Variants in TJP1 observed in about 807,000 individuals in gnomAD.
The protein encoded by TJP1 is tight junction protein ZO-1.
In TJP1, 43 loss-of-function variants were observed where a neutral mutation model predicts 194.2. That is an observed-to-expected ratio of 0.22 (90% CI 0.17 to 0.29). TJP1 has a LOEUF of 0.29. Ranked by LOEUF, TJP1 falls within the 10% of genes least tolerant of loss-of-function variation. The probability of loss-of-function intolerance (pLI) is 1.00; values close to 1 mark genes in which losing one functional copy is unlikely to be tolerated. For synonymous variants in TJP1, 801 were observed against 779.0 expected (o/e 1.03, Z -0.47); for missense variants, 1,971 against 2,185.7 (o/e 0.90, Z 1.96).
At chr15:29,761,009 T>C in intron 8 of TJP1, 130 bp downstream of exon 8, 1 of 1,185,840 alleles carries the variant, frequency 8.4e-7, no homozygotes, top group Non-Finnish European at 1.1e-6. Flanking sequence ...AATGTCTAAG[T>C]TGAGAAAAAC....
At chr15:29,951,420 G>C (rs113320569) in intron 2 of TJP1, among the ~76,000 whole-genome samples, 1 of 151,844 alleles carries the variant, frequency 6.6e-6, no homozygotes, top group East Asian at 1.9e-4. Context: ...CACCCGCCTC[G>C]GCCTCCCAAA....
chr15:29,844,363 C>A (rs118156372), intron 2 of TJP1, among the ~76,000 whole-genome samples: 6,703 of 152,278 alleles, frequency 0.044, 167 homozygotes, highest in South Asian at 0.073. Flanking sequence ...GCCACTGCAC[C>A]CGGCCCACAG....
At chr15:29,866,812 T>C (rs2052320394) in intron 2 of TJP1, among the ~76,000 whole-genome samples, 1 of 152,202 alleles carries the variant, frequency 6.6e-6, no homozygotes, top group South Asian at 2.1e-4. Flanking sequence ...GAGACCGAGC[T>C]GTCAGGAACC....
chr15:29,804,305 A>T (rs536825917), intron 1 of TJP1, among the ~76,000 whole-genome samples: 3 of 152,298 alleles, frequency 2.0e-5, no homozygotes, highest in Admixed American at 1.3e-4. Context: ...GACTGCTTTC[A>T]ATCTTGTTAC....
At chr15:29,733,015 C>A (rs904028744) in intron 13 of TJP1, 79 bp downstream of exon 13, 5 of 1,488,462 alleles carry the variant, frequency 3.4e-6, no homozygotes, top group African/African-American at 1.4e-5. Flanking sequence ...TTTACATTAC[C>A]AAAATTTCCC....
chr15:29,734,240 G>A, intron 12 of TJP1, 34 bp downstream of exon 12: 1 of 1,467,168 alleles, frequency 6.8e-7, no homozygotes, highest in South Asian at 1.2e-5. Context: ...AAACTCTACA[G>A]GTTTATCTCC....
chr15:29,766,835 G>A (rs2046361783), intron 4 of TJP1, among the ~76,000 whole-genome samples: 1 of 152,060 alleles, frequency 6.6e-6, no homozygotes, highest in South Asian at 2.1e-4. Context: ...CAAGCTTACA[G>A]GGAAACTAAC....
In TJP1 at chr15:29,789,234, C is replaced by T. The variant is rs370624097; in HGVS notation, c.84+11412G>A. On this transcript the variant is annotated intron_variant, in intron 2 of 27. Coordinates refer to ENST00000614355, the MANE Select transcript of TJP1 (RefSeq NM_001330239.4). ...TAGACCTCCCAAGAGTGACTTTATTCGACATGGTTAGTGTCCTAGGGAATT... is the reference window on the plus strand; with the variant it reads ...TAGACCTCCCAAGAGTGACTTTATTTGACATGGTTAGTGTCCTAGGGAATT... Among the ~76,000 whole-genome samples, 16 of 152,078 alleles carry T rather than the reference C, an allele frequency of 1.1e-4. No homozygotes were observed. In the East Asian group the frequency reaches 2.1e-3, roughly 20 times the overall value.
At chr15:29,738,272 A>G (rs2151307796) in intron 10 of TJP1, among the ~76,000 whole-genome samples, 1 of 152,290 alleles carries the variant, frequency 6.6e-6, no homozygotes, top group Admixed American at 6.5e-5. Context: ...TATTTTACCT[A>G]TTCTGACAAG....
upstream of TJP1, chr15:29,822,549 G>A: frequency 4.4e-6 from 4 of 901,988 alleles, no homozygotes; most frequent in Non-Finnish European, 5.3e-6. Context: ...GGCGAGGCGG[G>A]GAGGGGGCGG....
intron 25 of TJP1, 106 bp from the exon 26 acceptor site, chr15:29,705,851 C>T: frequency 1.1e-6 from 1 of 918,902 alleles, no homozygotes. Context: ...TCCATATAAT[C>T]AAGAAGTTAC....
At chr15:29,942,952 T>G (rs2055133961) in intron 2 of TJP1, among the ~76,000 whole-genome samples, 1 of 152,232 alleles carries the variant, frequency 6.6e-6, no homozygotes, top group South Asian at 2.1e-4. Context: ...GCACCCATTA[T>G]GGACAAAACA....
At chr15:29,900,208 G>A (rs931687984) in intron 2 of TJP1, among the ~76,000 whole-genome samples, 1 of 152,160 alleles carries the variant, frequency 6.6e-6, no homozygotes, top group Admixed American at 6.5e-5. Flanking sequence ...AGTGTGCTGG[G>A]CACGTGAACA....
At chr15:29,807,890 G>A (rs2049217162) in intron 1 of TJP1, among the ~76,000 whole-genome samples, 1 of 152,132 alleles carries the variant, frequency 6.6e-6, no homozygotes, top group African/African-American at 2.4e-5. Flanking sequence ...TATATTTTAA[G>A]TTTTTATATA....
At chr15:29,901,689 C>CG (rs1414215372) in intron 2 of TJP1, among the ~76,000 whole-genome samples, 4 of 151,950 alleles carry the variant, frequency 2.6e-5, no homozygotes, top group Non-Finnish European at 5.9e-5. Flanking sequence ...AGCTTGGTGG[C>CG]GGGCGCCTGT....
rs904730732 is a variant in TJP1, at chr15:29,701,228, T to C, written c.*367A>G. The C allele has an allele frequency of 5.1e-6, 1 of 194,900 alleles. No homozygotes were observed. Among genetic ancestry groups the C allele is most frequent in the Non-Finnish European group, 1.1e-5 (1 of 94,176 alleles). The allele number at this position is 194,900 out of a possible 1,614,324, so 12.1% of individuals were successfully genotyped here. ...TGCTAGGCCAGGGCCATAGTAAAGT[T>C]TGAAACAGTGTACTTTGGAAAGAAC... is the stretch of plus-strand genomic sequence containing the variant. On this transcript the variant is annotated 3_prime_UTR_variant, in exon 28 of 28. Transcript: ENST00000614355.
At chr15:29,949,490 TCCACC>T (rs2055488401) in intron 2 of TJP1, among the ~76,000 whole-genome samples, 2 of 36,842 alleles carry the variant, frequency 5.4e-5, no homozygotes, top group African/African-American at 1.3e-4. Context: ...AACCACCACC[TCCACC>T]TCCACAACCA....
At chr15:29,863,095 G>A (rs2052154791) in intron 2 of TJP1, among the ~76,000 whole-genome samples, 1 of 151,600 alleles carries the variant, frequency 6.6e-6, no homozygotes, top group Non-Finnish European at 1.5e-5. Context: ...AGGAGTTCGA[G>A]ACCAGCCTGG....
At chr15:29,941,841 T>A (rs1007463117) in intron 2 of TJP1, among the ~76,000 whole-genome samples, 1 of 152,098 alleles carries the variant, frequency 6.6e-6, no homozygotes. Context: ...TGTGTTTGCA[T>A]GTGATGGGAC....
Sources: allele counts gnomAD v4.1 joint callset (sites outside exome capture counted in the v4.1 genomes callset), GRCh38; gene constraint gnomAD v4.1.1; transcripts MANE v1.5; gene names NCBI Gene and HGNC (gene_info 2026-07-23, HGNC 2026-07-21).